The following NAT1 variants were observed in gnomAD, a reference collection of about 807,000 sequenced individuals.
NAT1 encodes the protein N-acetyltransferase 1.
For synonymous variants in NAT1, 144 were observed against 122.6 expected, an observed-to-expected ratio of 1.17 and a Z score of -1.16; for missense variants, 400 against 339.2, an observed-to-expected ratio of 1.18 and a Z score of -1.41.
chr8:18,218,038 C>T (rs35455918), intron 1 of NAT1, among the ~76,000 whole-genome samples: 6 of 152,132 alleles, frequency 3.9e-5, no homozygotes, highest in Non-Finnish European at 5.9e-5. Flanking sequence ...GAGGAGACAT[C>T]CTTGAGCAAG....
chr8:18,173,217 A>G (rs915190167), intron 2 of NAT1, among the ~76,000 whole-genome samples: 1 of 152,094 alleles, frequency 6.6e-6, no homozygotes, highest in Non-Finnish European at 1.5e-5. Flanking sequence ...GCAGAAATAC[A>G]TCACATTTCT....
intron 2 of NAT1, among the ~76,000 whole-genome samples, chr8:18,202,870 T>A (rs774981552): frequency 9.2e-5 from 14 of 152,168 alleles, no homozygotes; most frequent in Admixed American, 6.5e-4. Flanking sequence ...GGTGACCGGC[T>A]GTTATTCCCT....
intron 2 of NAT1, among the ~76,000 whole-genome samples, chr8:18,179,553 G>A (rs28383678): frequency 5.0e-4 from 76 of 152,306 alleles, no homozygotes; most frequent in African/African-American, 1.8e-3. Context: ...GTATTGAAAT[G>A]AGCACAGAAA....
intron 2 of NAT1, among the ~76,000 whole-genome samples, chr8:18,204,290 A>G (rs1426536705): frequency 6.6e-6 from 1 of 152,136 alleles, no homozygotes; most frequent in Admixed American, 6.5e-5. Context: ...CACACAACGA[A>G]CGCCAGGGTA....
At chr8:18,213,435 G>A (rs765637662) in intron 1 of NAT1, among the ~76,000 whole-genome samples, 52 of 152,204 alleles carry the variant, frequency 3.4e-4, no homozygotes, top group Middle Eastern at 3.4e-3. Context: ...CAGACTGGGT[G>A]ACTCCTGTGG....
upstream of NAT1, among the ~76,000 whole-genome samples, chr8:18,205,347 G>C (rs1803664978): frequency 6.6e-6 from 1 of 152,186 alleles, no homozygotes; most frequent in Admixed American, 6.5e-5. Context: ...TGGTGGTATT[G>C]GCTTGGGGGT....
chr8:18,198,776 G>A (rs930347356), intron 2 of NAT1, among the ~76,000 whole-genome samples: 1 of 152,078 alleles, frequency 6.6e-6, no homozygotes, highest in African/African-American at 2.4e-5. Context: ...CTTTTGTAGT[G>A]AGAACACCAC....
At chr8:18,189,444 T>C (rs797014345) in intron 2 of NAT1, among the ~76,000 whole-genome samples, 72 of 152,134 alleles carry the variant, frequency 4.7e-4, no homozygotes, top group African/African-American at 1.7e-3. Context: ...CAGATAACAG[T>C]GTAGTTTGAA....
upstream of NAT1, among the ~76,000 whole-genome samples, chr8:18,208,688 T>C (rs879732340): frequency 6.6e-6 from 1 of 152,148 alleles, no homozygotes; most frequent in Non-Finnish European, 1.5e-5. Flanking sequence ...GGAATGTTAG[T>C]GTGGGATTTT....
upstream of NAT1, among the ~76,000 whole-genome samples, chr8:18,205,508 G>C (rs908014161): frequency 3.9e-5 from 6 of 152,296 alleles, no homozygotes; most frequent in East Asian, 1.9e-4. Context: ...GGCGGGGGCA[G>C]GGCTGGCTGG....
At chr8:18,221,821 C>T (rs1414249637) in intron 2 of NAT1, 2 of 412,280 alleles carry the variant, frequency 4.9e-6, no homozygotes, top group Non-Finnish European at 8.4e-6. Flanking sequence ...TTTCCAGCTT[C>T]TCACACTTGA....
intron 2 of NAT1, among the ~76,000 whole-genome samples, chr8:18,178,960 TCCTTCTCTATAGAATA>T (rs1179050981): frequency 1.1e-4 from 17 of 152,146 alleles, no homozygotes; most frequent in Admixed American, 1.1e-3. Context: ...ACACTACAAA[TCCTTCTCTATAGAATA>T]CCTTTCCTCA....
chr8:18,174,406 T>A (rs1802210952), intron 2 of NAT1, among the ~76,000 whole-genome samples: 1 of 152,104 alleles, frequency 6.6e-6, no homozygotes, highest in Non-Finnish European at 1.5e-5. Flanking sequence ...ACCTCACCCC[T>A]TAATTTCCTC....
At chr8:18,188,783 T>G (rs1589067150) in intron 2 of NAT1, among the ~76,000 whole-genome samples, 1 of 151,272 alleles carries the variant, frequency 6.6e-6, no homozygotes, top group African/African-American at 2.4e-5. Flanking sequence ...GATCATGAGG[T>G]TAGGAGTTCA....
At chr8:18,178,138 A>C (rs1802363307) in intron 2 of NAT1, among the ~76,000 whole-genome samples, 1 of 152,124 alleles carries the variant, frequency 6.6e-6, no homozygotes, top group African/African-American at 2.4e-5. Flanking sequence ...CACTGCAGGG[A>C]AGAAATAACA....
intron 2 of NAT1, among the ~76,000 whole-genome samples, chr8:18,199,602 T>C (rs1803380316): frequency 6.6e-6 from 1 of 152,144 alleles, no homozygotes; most frequent in Admixed American, 6.5e-5. Flanking sequence ...TTCTGCTCTC[T>C]CTTGAATTGA....
chr8:18,184,256 A>G (rs1404032214), intron 2 of NAT1, among the ~76,000 whole-genome samples: 4 of 152,176 alleles, frequency 2.6e-5, no homozygotes, highest in African/African-American at 7.2e-5. Context: ...AAGGTTTACA[A>G]TCTGCCTTCT....
chr8:18,204,161 CTT>C lies in NAT1; in HGVS notation n.93-5618_93-5617del, dbSNP rs1491394742. Among the ~76,000 whole-genome samples, 6 of 146,404 alleles carry C rather than the reference CTT, an allele frequency of 4.1e-5. No homozygotes were observed. In the South Asian group the frequency reaches 1.0e-3, roughly 25 times the overall value. ...GCTGCCTCCTTGACTTTTTGGATGT[CTT>C]TCTCTCTCTCTCTCTCTCTCTCGCA... is the stretch of plus-strand genomic sequence containing the variant. On this transcript the variant is annotated intron_variant and non_coding_transcript_variant, in intron 2 of 4. Transcript: ENST00000517441.
chr8:18,195,912 A>G (rs6586709), intron 2 of NAT1, among the ~76,000 whole-genome samples: 127,936 of 151,718 alleles, frequency 0.84, 54,291 homozygotes, highest in African/African-American at 0.92. Flanking sequence ...GAAGTTCTTG[A>G]TGTTAGATTA....
Sources: gnomAD v4.1 joint callset for allele counts (sites outside exome capture counted in the v4.1 genomes callset) on GRCh38, gnomAD v4.1.1 for gene constraint, MANE v1.5 for transcripts, NCBI Gene and HGNC (gene_info 2026-07-23, HGNC 2026-07-21) for gene names.